TMCO4: variants seen among roughly 807,000 people sequenced by gnomAD.
The protein encoded by TMCO4 is transmembrane and coiled-coil domain-containing protein 4.
TMCO4 carries 58 observed loss-of-function variants against 64.7 expected under a neutral mutation model. The ratio of observed to expected loss-of-function variants is 0.90; its 90% CI spans 0.73 to 1.12. TMCO4 has a LOEUF of 1.12. Among genes scored for constraint, TMCO4 ranks in the 50% most tolerant of loss-of-function variants. TMCO4 has a pLI of 0.00. For missense variants in TMCO4, 780 were observed against 825.9 expected (o/e 0.94, Z 0.68); for synonymous variants, 325 against 346.1 (o/e 0.94, Z 0.68).
intron 10 of TMCO4, among the ~76,000 whole-genome samples, chr1:19,742,842 G>C (rs1368067735): frequency 6.6e-6 from 1 of 152,128 alleles, no homozygotes; most frequent in Non-Finnish European, 1.5e-5. Context: ...ATGAGGTGAA[G>C]GGATCAAGAC....
rs572511341 is a variant in TMCO4 at position 19,689,497 on chromosome 1, G to A, written c.1500+4937C>T. Among the ~76,000 whole-genome samples, 21 of 152,258 alleles carry A rather than the reference G, an allele frequency of 1.4e-4. No homozygotes were observed. In the South Asian group the frequency reaches 3.1e-3, roughly 23 times the overall value. On this transcript the variant is annotated intron_variant, in intron 15 of 15. Transcript: ENST00000294543. Reference sequence around the variant, plus strand: ...TTACATGCGCTGCCCTGGAAGTTAGGCGTTTCCACCATTTCCTAGATGAGG... The same window carrying A: ...TTACATGCGCTGCCCTGGAAGTTAGACGTTTCCACCATTTCCTAGATGAGG...
intron 6 of TMCO4, among the ~76,000 whole-genome samples, chr1:19,763,375 G>T (rs2042590570): frequency 6.6e-6 from 1 of 152,226 alleles, no homozygotes; most frequent in Admixed American, 6.5e-5. Flanking sequence ...ACCACGCCGG[G>T]CCAAGAATAT....
chr1:19,717,546 C>T (rs2095362494), intron 13 of TMCO4, among the ~76,000 whole-genome samples: 1 of 152,260 alleles, frequency 6.6e-6, no homozygotes, highest in East Asian at 1.9e-4. Flanking sequence ...CCCTGTTCAT[C>T]TCTCCAGCCT....
Position 19,731,402 on chromosome 1 carries a change from C to T in TMCO4, c.1264+5970G>A, listed in dbSNP as rs75238799. Among the ~76,000 whole-genome samples the T allele has an allele frequency of 9.8e-3, 1,498 of 152,322 alleles. 24 individuals are homozygous for T. Among genetic ancestry groups the T allele is most frequent in the African/African-American group, 0.033 (1,386 of 41,558 alleles). ...CATTTATATGCATTATTGCCTATAA[C>T]GTAATCCTCCTAAAAACCTGTTGTA... On this transcript the variant is annotated intron_variant, in intron 13 of 15. Coordinates refer to ENST00000294543, the MANE Select transcript of TMCO4 (RefSeq NM_181719.7).
At chr1:19,697,973 T>C (rs1016705941) in intron 14 of TMCO4, among the ~76,000 whole-genome samples, 1 of 152,126 alleles carries the variant, frequency 6.6e-6, no homozygotes, top group African/African-American at 2.4e-5. Context: ...CCTTTTATGA[T>C]GTTTGCCACA....
At chr1:19,713,521 G>A (rs1406560146) in intron 13 of TMCO4, among the ~76,000 whole-genome samples, 2 of 152,018 alleles carry the variant, frequency 1.3e-5, no homozygotes, top group Non-Finnish European at 1.5e-5. Flanking sequence ...CTGGAGGAGT[G>A]AGCCCAGGTA....
chr1:19,796,816 G>A (rs762222890), intron 2 of TMCO4, among the ~76,000 whole-genome samples: 1 of 152,112 alleles, frequency 6.6e-6, no homozygotes, highest in African/African-American at 2.4e-5. Context: ...CTCGTAATCT[G>A]CCCTCCTTGG....
At chr1:19,748,289 T>C (rs1000601366) in intron 7 of TMCO4, among the ~76,000 whole-genome samples, 2 of 152,190 alleles carry the variant, frequency 1.3e-5, no homozygotes, top group Non-Finnish European at 2.9e-5. Context: ...AGTTTCCTCT[T>C]TTGTCAAAAG....
intron 13 of TMCO4, among the ~76,000 whole-genome samples, chr1:19,713,760 C>T (rs764456458): frequency 1.2e-4 from 18 of 152,200 alleles, no homozygotes; most frequent in South Asian, 2.1e-4. Flanking sequence ...CTCCTTGAAG[C>T]GCAGAGATTC....
Position 19,700,692 on chromosome 1 carries a change from C to T in TMCO4, c.1382+76G>A, listed in dbSNP as rs2095265928. On this transcript the variant is annotated intron_variant, in intron 14 of 15. Transcript: ENST00000294543. ...AGGGATTAGGTCTCAAATATGTGTC[C>T]CCAACACAGAGCCTGGGCATACTAA... 5 of 1,298,294 alleles carry T rather than the reference C, an allele frequency of 3.9e-6. No individual in the cohort carries two copies. In the South Asian group the frequency reaches 6.3e-5, roughly 16 times the overall value. 80.4% of individuals were successfully genotyped at this position (1,298,294 alleles called of 1,614,324 possible).
chr1:19,777,893 C>T (rs191490686), intron 4 of TMCO4, among the ~76,000 whole-genome samples: 81 of 152,214 alleles, frequency 5.3e-4, no homozygotes, highest in Admixed American at 4.2e-3. Flanking sequence ...AAAAGTTAGC[C>T]AGGCATGGTG....
chr1:19,788,750 T>G (rs2043869164), intron 2 of TMCO4, among the ~76,000 whole-genome samples: 1 of 152,182 alleles, frequency 6.6e-6, no homozygotes, highest in Admixed American at 6.5e-5. Flanking sequence ...AGAATTCGAC[T>G]GCATATACAA....
chr1:19,724,339 T>C lies in TMCO4; in HGVS notation c.1264+13033A>G, dbSNP rs112743090. ...CCATATAAAAAGGCCAGCTTTGTGG[T>C]TGGACAGGCTGGAGTTGAACCCAGG... On this transcript the variant is annotated intron_variant, in intron 13 of 15. Coordinates refer to ENST00000294543, the MANE Select transcript of TMCO4 (RefSeq NM_181719.7). 7.9e-3 allele frequency among the ~76,000 whole-genome samples: 1,209 copies of C among 152,302 alleles called. 10 individuals carry two copies. Among genetic ancestry groups the C allele is most frequent in the Non-Finnish European group, 0.013 (864 of 68,024 alleles).
intron 1 of TMCO4, among the ~76,000 whole-genome samples, chr1:19,798,910 T>C (rs561048256): frequency 2.6e-5 from 4 of 152,358 alleles, no homozygotes; most frequent in Admixed American, 2.6e-4. Flanking sequence ...AAGAGTGTCA[T>C]ATTTTCTGCA....
chr1:19,717,817 G>T (rs996234451), intron 13 of TMCO4, among the ~76,000 whole-genome samples: 1 of 152,124 alleles, frequency 6.6e-6, no homozygotes, highest in African/African-American at 2.4e-5. Context: ...TGCAGCATTT[G>T]GTTCTGTTAT....
At chr1:19,702,764 A>G (rs1391524088) in intron 13 of TMCO4, among the ~76,000 whole-genome samples, 1 of 152,240 alleles carries the variant, frequency 6.6e-6, no homozygotes, top group Non-Finnish European at 1.5e-5. Context: ...ACCTTGTCTC[A>G]AAACAAACAA....
At chr1:19,688,769 G>A (rs2095169588) in intron 15 of TMCO4, among the ~76,000 whole-genome samples, 1 of 152,298 alleles carries the variant, frequency 6.6e-6, no homozygotes, top group African/African-American at 2.4e-5. Context: ...AGGATCAAAT[G>A]ACTTACCCCG....
chr1:19,684,157 G>T (rs571114369), intron 15 of TMCO4, among the ~76,000 whole-genome samples: 131 of 135,868 alleles, frequency 9.6e-4, no homozygotes, highest in Non-Finnish European at 1.8e-3. Flanking sequence ...GAGAGAGATG[G>T]GTTCTCTCTC....
chr1:19,745,704 C>T, intron 9 of TMCO4, 53 bp from the exon 10 acceptor site: 1 of 1,557,660 alleles, frequency 6.4e-7, no homozygotes, highest in Non-Finnish European at 8.7e-7. Context: ...CCCCGGGGAA[C>T]ATCAGGGTGG....
Sources: gnomAD v4.1 joint callset for allele counts (sites outside exome capture counted in the v4.1 genomes callset) on GRCh38, gnomAD v4.1.1 for gene constraint, MANE v1.5 for transcripts, NCBI Gene and HGNC (gene_info 2026-07-23, HGNC 2026-07-21) for gene names.